The following PCSK2 variants were observed in gnomAD, a reference collection of about 807,000 sequenced individuals.
PCSK2 encodes neuroendocrine convertase 2.
PCSK2 carries 14 observed loss-of-function variants against 69.7 expected under a neutral mutation model. The observed-to-expected ratio is 0.20, with a 90% CI of 0.13 to 0.31. The LOEUF (loss-of-function observed/expected upper bound fraction) is 0.31. Among genes scored for constraint, PCSK2 ranks in the 10% least tolerant of loss-of-function variants. The pLI is 1.00. For synonymous variants in PCSK2, 307 were observed against 320.7 expected, an observed-to-expected ratio of 0.96 and a Z score of 0.46; for missense variants, 544 against 842.5, an observed-to-expected ratio of 0.65 and a Z score of 4.39.
chr20:17,273,186 A>G (rs1987935607), intron 2 of PCSK2, among the ~76,000 whole-genome samples: 1 of 152,158 alleles, frequency 6.6e-6, no homozygotes, highest in Non-Finnish European at 1.5e-5. Flanking sequence ...TCAGACATAG[A>G]TTAATTCAGC....
At chr20:17,397,275 G>A (rs768470986) in intron 5 of PCSK2, among the ~76,000 whole-genome samples, 15 of 152,158 alleles carry the variant, frequency 9.9e-5, no homozygotes, top group Non-Finnish European at 1.9e-4. Context: ...CCTGCAGCTT[G>A]GCATTGAGTT....
intron 2 of PCSK2, among the ~76,000 whole-genome samples, chr20:17,297,115 G>T (rs543987850): frequency 6.6e-6 from 1 of 152,240 alleles, no homozygotes; most frequent in South Asian, 2.1e-4. Context: ...TAGTAAACAG[G>T]GTATTGTATG....
chr20:17,394,548 T>A (rs907240143), intron 5 of PCSK2, among the ~76,000 whole-genome samples: 1 of 151,820 alleles, frequency 6.6e-6, no homozygotes, highest in Non-Finnish European at 1.5e-5. Flanking sequence ...GGCACGGGGG[T>A]TGGATGAGCT....
At chr20:17,297,371 T>G (rs1212018785) in intron 2 of PCSK2, among the ~76,000 whole-genome samples, 1 of 152,208 alleles carries the variant, frequency 6.6e-6, no homozygotes, top group African/African-American at 2.4e-5. Flanking sequence ...TGAGGTGGTG[T>G]TGGTGAGTGT....
chr20:17,258,570 A>T (rs369797686), intron 1 of PCSK2, among the ~76,000 whole-genome samples: 1 of 152,222 alleles, frequency 6.6e-6, no homozygotes, highest in Non-Finnish European at 1.5e-5. Context: ...ATATGCAGCC[A>T]TTCAAAAGAA....
intron 2 of PCSK2, among the ~76,000 whole-genome samples, chr20:17,298,734 A>G (rs890341301): frequency 3.9e-5 from 6 of 152,150 alleles, no homozygotes; most frequent in African/African-American, 1.2e-4. Context: ...GAAAGGAGGA[A>G]TTATACTTCC....
intron 5 of PCSK2, among the ~76,000 whole-genome samples, chr20:17,387,160 T>G (rs2031258037): frequency 6.6e-6 from 1 of 152,208 alleles, no homozygotes; most frequent in Non-Finnish European, 1.5e-5. Context: ...TTGTACACGT[T>G]GTACATTCCT....
At chr20:17,337,134 C>T (rs569806637) in intron 2 of PCSK2, among the ~76,000 whole-genome samples, 42 of 152,290 alleles carry the variant, frequency 2.8e-4, no homozygotes, top group Admixed American at 1.8e-3. Flanking sequence ...GGAAATCACT[C>T]GCAATTCACA....
intron 2 of PCSK2, among the ~76,000 whole-genome samples, chr20:17,350,963 C>A (rs920326898): frequency 6.6e-6 from 1 of 151,022 alleles, no homozygotes; most frequent in Non-Finnish European, 1.5e-5. Context: ...TCGCTTGAAC[C>A]TGGGAGTCGG....
chr20:17,379,169 G>A (rs1476693918), intron 5 of PCSK2, among the ~76,000 whole-genome samples: 1 of 152,206 alleles, frequency 6.6e-6, no homozygotes, highest in Non-Finnish European at 1.5e-5. Context: ...AGGCAGGCCT[G>A]ACCAGATTTC....
At chr20:17,237,989 G>A (rs1199192620) in intron 1 of PCSK2, among the ~76,000 whole-genome samples, 2 of 152,164 alleles carry the variant, frequency 1.3e-5, no homozygotes, top group Non-Finnish European at 2.9e-5. Flanking sequence ...ATTTTGTCCT[G>A]GCATATGCTC....
chr20:17,337,584 T>G (rs868151116), intron 2 of PCSK2, among the ~76,000 whole-genome samples: 10 of 152,110 alleles, frequency 6.6e-5, no homozygotes, highest in African/African-American at 2.4e-4. Context: ...TTATCTTACT[T>G]TATAAAGATA....
chr20:17,301,740 G>T lies in PCSK2; in HGVS notation c.282+41396G>T, dbSNP rs139558636. Among the ~76,000 whole-genome samples the T allele has an allele frequency of 7.9e-5, 12 of 152,214 alleles. No homozygotes were observed. In the East Asian group the frequency reaches 2.1e-3, roughly 27 times the overall value. Reference sequence around the variant, plus strand: ...GAGGCCAGGAGTTCGAGACCAGCCTGGCCAACATGGTGAAACCCAGTGTCT... The same window carrying T: ...GAGGCCAGGAGTTCGAGACCAGCCTTGCCAACATGGTGAAACCCAGTGTCT... On this transcript the variant is annotated intron_variant, in intron 2 of 11. Transcript: ENST00000262545.
intron 2 of PCSK2, among the ~76,000 whole-genome samples, chr20:17,297,170 A>T (rs1845278468): frequency 6.6e-6 from 1 of 152,252 alleles, no homozygotes; most frequent in Non-Finnish European, 1.5e-5. Context: ...AGCTGTTTAC[A>T]TTAGAGAAAT....
At chr20:17,394,345 C>A (rs901436090) in intron 5 of PCSK2, among the ~76,000 whole-genome samples, 4 of 152,040 alleles carry the variant, frequency 2.6e-5, no homozygotes, top group Non-Finnish European at 5.9e-5. Context: ...AGTAAAAAAC[C>A]CAGTGCATAT....
At chr20:17,356,537 G>A (rs913972501) in intron 2 of PCSK2, among the ~76,000 whole-genome samples, 6 of 152,158 alleles carry the variant, frequency 3.9e-5, no homozygotes, top group African/African-American at 1.4e-4. Flanking sequence ...TTTCTGCCAC[G>A]TCTGTGGTCT....
At chr20:17,251,759 T>G (rs1344913017) in intron 1 of PCSK2, among the ~76,000 whole-genome samples, 1 of 152,168 alleles carries the variant, frequency 6.6e-6, no homozygotes, top group Non-Finnish European at 1.5e-5. Context: ...ATGTGGGAAT[T>G]TGTAATCCAG....
intron 6 of PCSK2, among the ~76,000 whole-genome samples, chr20:17,412,374 C>T (rs767404490): frequency 4.6e-5 from 7 of 152,196 alleles, no homozygotes; most frequent in African/African-American, 1.2e-4. Flanking sequence ...ACGAGAACTT[C>T]GTGACGCATG....
intron 4 of PCSK2, among the ~76,000 whole-genome samples, chr20:17,363,029 T>C (rs1415982052): frequency 6.6e-6 from 1 of 152,256 alleles, no homozygotes; most frequent in Non-Finnish European, 1.5e-5. Flanking sequence ...TATGGTGCCA[T>C]GTCCCAGACA....
Sources: allele counts gnomAD v4.1 joint callset (sites outside exome capture counted in the v4.1 genomes callset), GRCh38; gene constraint gnomAD v4.1.1; transcripts MANE v1.5; gene names NCBI Gene and HGNC (gene_info 2026-07-23, HGNC 2026-07-21).